CSGALNACT1: variants seen among roughly 807,000 people sequenced by gnomAD.
The protein encoded by CSGALNACT1 is beta4GalNAcT-1.
A neutral mutation model predicts 51.0 loss-of-function variants in CSGALNACT1; 52 were observed. The ratio of observed to expected loss-of-function variants is 1.02; its 90% CI spans 0.82 to 1.29. The LOEUF (loss-of-function observed/expected upper bound fraction) is 1.29. CSGALNACT1 is among the 50% of genes most tolerant of loss of function. The pLI, the probability that CSGALNACT1 is intolerant of heterozygous loss-of-function variation, is 0.00. For missense variants in CSGALNACT1, 935 were observed against 679.2 expected, an observed-to-expected ratio of 1.38 and a Z score of -4.19; for synonymous variants, 341 against 254.4, an observed-to-expected ratio of 1.34 and a Z score of -3.24.
intron 6 of CSGALNACT1, among the ~76,000 whole-genome samples, chr8:19,421,688 G>A (rs10481426): frequency 0.4 from 61,383 of 152,144 alleles, 12,996 homozygotes; most frequent in African/African-American, 0.52. Context: ...CGCAAACATA[G>A]AGTCATAAAC....
In CSGALNACT1 at chr8:19,718,501, C is replaced by T. The variant is rs10110742; in HGVS notation, c.-297+39349G>A. Among the ~76,000 whole-genome samples, 644 of 152,298 alleles carry T rather than the reference C, an allele frequency of 4.2e-3. 6 individuals are homozygous for T. The highest frequency in any genetic ancestry group is 0.015 in the African/African-American group (612 of 41,548). ...GCTATAGCAACAAAACGCACAGTTG[C>T]AGCAAGTGAATCTGTGTTTTTAAAA... On this transcript the variant is annotated intron_variant, in intron 1 of 1. Coordinates refer to the CSGALNACT1 transcript ENST00000517494.
Position 19,640,314 on chromosome 8 carries a change from A to G in CSGALNACT1, c.-543-38449T>C, listed in dbSNP as rs1320391594. Among the ~76,000 whole-genome samples the G allele has an allele frequency of 3.3e-5, 5 of 152,218 alleles. No individual in the cohort carries two copies. In the East Asian group the frequency reaches 7.7e-4, roughly 23 times the overall value. On this transcript the variant is annotated intron_variant, in intron 1 of 9. Transcript: ENST00000332246. ...CACATGTATGGAAAATGACTATGCA[A>G]CAAATTTAAAGCACATGATCCCACA...
chr8:19,710,043 T>C (rs1043606637), intron 1 of CSGALNACT1, among the ~76,000 whole-genome samples: 4 of 152,206 alleles, frequency 2.6e-5, no homozygotes, highest in Admixed American at 2.6e-4. Flanking sequence ...GTGAAATATT[T>C]ACTCCCCACA....
intron 1 of CSGALNACT1, among the ~76,000 whole-genome samples, chr8:19,731,768 A>G (rs1354911635): frequency 6.6e-6 from 1 of 152,220 alleles, no homozygotes; most frequent in African/African-American, 2.4e-5. Context: ...ATTCCATCTC[A>G]GGCTCTAATT....
intron 4 of CSGALNACT1, among the ~76,000 whole-genome samples, chr8:19,465,757 C>T (rs1586633359): frequency 6.6e-6 from 1 of 152,268 alleles, no homozygotes; most frequent in South Asian, 2.1e-4. Context: ...ATCCCCCTGT[C>T]CAGGCTTACC....
intron 1 of CSGALNACT1, among the ~76,000 whole-genome samples, chr8:19,673,692 C>T (rs77114085): frequency 6.6e-6 from 1 of 152,152 alleles, no homozygotes; most frequent in African/African-American, 2.4e-5. Context: ...ATGTTCCATA[C>T]CCCAAAGGTG....
intron 1 of CSGALNACT1, among the ~76,000 whole-genome samples, chr8:19,677,563 C>G (rs985917193): frequency 6.6e-6 from 1 of 152,182 alleles, no homozygotes; most frequent in African/African-American, 2.4e-5. Flanking sequence ...CCAAAAAGGG[C>G]AGGGCTTTGG....
At position 19,539,885 on chromosome 8, in the gene CSGALNACT1, G is replaced by A. The variant is rs141670848; in HGVS notation, c.-296-33755C>T. ...CCTTGGAGGGAGGGGGACAGGAGGGGAGATACCTATGAGGTAGCCTGGAAA... is the reference window on the plus strand; with the variant it reads ...CCTTGGAGGGAGGGGGACAGGAGGGAAGATACCTATGAGGTAGCCTGGAAA... On this transcript the variant is annotated intron_variant, in intron 3 of 9. Coordinates refer to ENST00000454498, the Ensembl canonical transcript of CSGALNACT1. Among the ~76,000 whole-genome samples the A allele has an allele frequency of 3.2e-3, 487 of 152,266 alleles. 4 individuals are homozygous for A. The highest frequency in any genetic ancestry group is 3.1e-3 in the Non-Finnish European group (214 of 68,012).
At chr8:19,606,044 T>C (rs2051320372), upstream of CSGALNACT1, among the ~76,000 whole-genome samples, 1 of 152,228 alleles carries the variant, frequency 6.6e-6, no homozygotes, top group Non-Finnish European at 1.5e-5. Context: ...CTCACCTGCA[T>C]CTATTTAAAA....
rs569675488 is a variant in CSGALNACT1 at position 19,535,575 on chromosome 8, A to G, written c.-296-29445T>C. Among the ~76,000 whole-genome samples the G allele has an allele frequency of 2.6e-5, 4 of 152,338 alleles. No individual in the cohort carries two copies. The East Asian group carries it at 7.7e-4, about 29-fold the overall frequency. The stretch of plus-strand genomic sequence containing the variant: ...AATAAAACTTTGAATATTTAAAATC[A>G]TTTAAACAATGATCAACCAATTCAG... On this transcript the variant is annotated intron_variant, in intron 3 of 9. Coordinates refer to ENST00000454498, the Ensembl canonical transcript of CSGALNACT1.
intron 5 of CSGALNACT1, among the ~76,000 whole-genome samples, chr8:19,453,054 A>C (rs2063482897): frequency 6.6e-6 from 1 of 152,220 alleles, no homozygotes; most frequent in South Asian, 2.1e-4. Context: ...CCCTGCACGT[A>C]ATGAGAAAAG....
intron 1 of CSGALNACT1, among the ~76,000 whole-genome samples, chr8:19,708,444 A>G (rs1392836786): frequency 1.3e-5 from 2 of 152,176 alleles, no homozygotes; most frequent in African/African-American, 4.8e-5. Context: ...CATTATGAGT[A>G]ATATATTCAC....
intron 3 of CSGALNACT1, among the ~76,000 whole-genome samples, chr8:19,542,126 T>C (rs1230071133): frequency 6.6e-6 from 1 of 152,068 alleles, no homozygotes; most frequent in Non-Finnish European, 1.5e-5. Flanking sequence ...TTCCAAATGC[T>C]TTCTTCTGTG....
intron 6 of CSGALNACT1, among the ~76,000 whole-genome samples, chr8:19,430,537 T>C (rs1477227939): frequency 2.0e-5 from 3 of 152,220 alleles, no homozygotes; most frequent in Non-Finnish European, 2.9e-5. Flanking sequence ...ATAGGTTTAT[T>C]TCCGAACTCT....
chr8:19,495,857 T>C (rs2075355467), intron 4 of CSGALNACT1, among the ~76,000 whole-genome samples: 2 of 152,174 alleles, frequency 1.3e-5, no homozygotes, highest in Admixed American at 6.5e-5. Context: ...AAGGGAAATA[T>C]AGGGAAAAGG....
At chr8:19,418,574 C>A in intron 8 of CSGALNACT1, 82 bp downstream of exon 7, 1 of 905,770 alleles carries the variant, frequency 1.1e-6, no homozygotes, top group Non-Finnish European at 1.8e-6. Flanking sequence ...TTTCTACTCA[C>A]CTTTGCTCAT....
chr8:19,632,506 ATTT>A (rs1288178466), intron 1 of CSGALNACT1, among the ~76,000 whole-genome samples: 1 of 152,246 alleles, frequency 6.6e-6, no homozygotes, highest in African/African-American at 2.4e-5. Flanking sequence ...TAAGCATAAC[ATTT>A]GGAATACCTT....
At chr8:19,722,203 G>A (rs765118463) in intron 1 of CSGALNACT1, among the ~76,000 whole-genome samples, 2 of 152,040 alleles carry the variant, frequency 1.3e-5, no homozygotes, top group Non-Finnish European at 2.9e-5. Context: ...AGAAATTGGC[G>A]CTTGAGACCG....
rs200511849 is a variant in CSGALNACT1 at position 19,505,699 on chromosome 8, G to A, written c.136C>T (p.Pro46Ser). The A allele has an allele frequency of 1.3e-5, 21 of 1,614,176 alleles. 1 individual carries two copies. In the African/African-American group the frequency reaches 2.5e-4, roughly 19 times the overall value. ...TTCCCCGTGGGGCTGTTGGCCCTGG[G>A]CAGTGCCAGCTGCTCCTCGTCACCT... The change falls in exon 4 of 10, where the codon CCC becomes TCC. Residue 46 changes from proline (P) to serine (S), a missense_variant. Coordinates refer to ENST00000454498, the Ensembl canonical transcript of CSGALNACT1.
Sources: allele counts gnomAD v4.1 joint callset (sites outside exome capture counted in the v4.1 genomes callset), GRCh38; gene constraint gnomAD v4.1.1; transcripts MANE v1.5; gene names NCBI Gene and HGNC (gene_info 2026-07-23, HGNC 2026-07-21).